The following ADARB1 variants were observed in gnomAD, a reference collection of about 807,000 sequenced individuals.
ADARB1 encodes the protein double-stranded RNA-specific editase 1.
Under a neutral mutation model 52.4 loss-of-function variants are expected in ADARB1, and 10 were observed. The observed-to-expected ratio is 0.19, with a 90% CI of 0.12 to 0.32. ADARB1 has a LOEUF of 0.32. Among genes scored for constraint, ADARB1 ranks in the 10% least tolerant of loss-of-function variants. The probability of loss-of-function intolerance (pLI) is 1.00; values close to 1 mark genes in which losing one functional copy is unlikely to be tolerated. For synonymous variants in ADARB1, 349 were observed against 371.1 expected (o/e 0.94, Z 0.68); for missense variants, 643 against 922.3 (o/e 0.70, Z 3.92).
rs116580759 is a variant in ADARB1 at position 45,087,521 on chromosome 21, T to G, written c.-220+12728T>G. The stretch of plus-strand genomic sequence containing the variant: ...AGCCAGAAACAAAAGAGATGGTGAC[T>G]GCAGAGGGCCAGGGGACGGAGGAGG... On this transcript the variant is annotated intron_variant, in intron 1 of 10. Coordinates refer to ENST00000348831, the MANE Select transcript of ADARB1 (RefSeq NM_001112.4). Among the ~76,000 whole-genome samples, 393 of 152,128 alleles carry G rather than the reference T, an allele frequency of 2.6e-3. 1 individual carries two copies. Among genetic ancestry groups the G allele is most frequent in the African/African-American group, 8.6e-3 (355 of 41,486 alleles).
At chr21:45,130,058 T>G (rs1344205736) in intron 2 of ADARB1, among the ~76,000 whole-genome samples, 4 of 152,190 alleles carry the variant, frequency 2.6e-5, no homozygotes, top group South Asian at 4.1e-4. Flanking sequence ...CCACAGCGCT[T>G]CTTCTAGCTT....
rs531046023 is a variant in ADARB1 at position 45,191,311 on chromosome 21, G to A, written c.1565+6220G>A. Among the ~76,000 whole-genome samples, 6 of 152,162 alleles carry A rather than the reference G, an allele frequency of 3.9e-5. No homozygotes were observed. In the South Asian group the frequency reaches 1.2e-3, roughly 32 times the overall value. On this transcript the variant is annotated intron_variant, in intron 8 of 10. Transcript: ENST00000348831. ...AGTGTTATTTTTCTTTATTCCTGCT[G>A]TCCAGGACCTTGGATGATATGTTAC...
chr21:45,160,170 TC>T (rs2090890812), intron 2 of ADARB1, among the ~76,000 whole-genome samples: 1 of 152,152 alleles, frequency 6.6e-6, no homozygotes, highest in Admixed American at 6.5e-5. Context: ...ATGCTCCAGG[TC>T]CCTTAGATGG....
chr21:45,131,922 TCTC>T (rs1569044453), intron 2 of ADARB1, among the ~76,000 whole-genome samples: 1 of 152,198 alleles, frequency 6.6e-6, no homozygotes. Context: ...GCGGGGCTCT[TCTC>T]TGTGTGGAGG....
chr21:45,152,911 G>A (rs1412262086), intron 2 of ADARB1, among the ~76,000 whole-genome samples: 1 of 152,172 alleles, frequency 6.6e-6, no homozygotes, highest in East Asian at 1.9e-4. Flanking sequence ...TCAAAAACAT[G>A]TCTGTAAACA....
chr21:45,088,268 TA>T lies in ADARB1; in HGVS notation c.-220+13477del, dbSNP rs539898536. Among the ~76,000 whole-genome samples the T allele has an allele frequency of 3.1e-3, 477 of 152,174 alleles. 4 individuals carry two copies. Among genetic ancestry groups the T allele is most frequent in the Middle Eastern group, 0.014 (4 of 294 alleles). On this transcript the variant is annotated intron_variant, in intron 1 of 10. Coordinates refer to ENST00000348831, the MANE Select transcript of ADARB1 (RefSeq NM_001112.4). Reference sequence around the variant, plus strand: ...CCTAAATATCAGTTGCTGATAAAAATAAGCAGGGCTCCTTGCAGAAGATGAG... The same window carrying T: ...CCTAAATATCAGTTGCTGATAAAAATAGCAGGGCTCCTTGCAGAAGATGAG...
At chr21:45,084,837 A>G (rs542364613) in intron 1 of ADARB1, among the ~76,000 whole-genome samples, 1 of 152,314 alleles carries the variant, frequency 6.6e-6, no homozygotes, top group South Asian at 2.1e-4. Flanking sequence ...AGTTGGGCAC[A>G]AGGTGTCCAA....
At chr21:45,156,330 C>T (rs1316505309) in intron 2 of ADARB1, among the ~76,000 whole-genome samples, 11 of 141,756 alleles carry the variant, frequency 7.8e-5, no homozygotes, top group Non-Finnish European at 1.1e-4. Context: ...CATCATCACC[C>T]ATCACCCATC....
Position 45,226,230 on chromosome 21 carries a change from G to A in ADARB1, c.*4033G>A, listed in dbSNP as rs1445848683. On this transcript the variant is annotated 3_prime_UTR_variant, in exon 11 of 11. Transcript: ENST00000348831. ...CTGATGGTATGTAAGGAACCGATGG[G>A]CCATTAAACATGAACTGAACGGTTA... 6.6e-6 allele frequency: 1 copy of A among 152,618 alleles called. No individual in the cohort carries two copies. The highest frequency in any genetic ancestry group is 1.9e-4 in the East Asian group (1 of 5,190). 9.5% of individuals were successfully genotyped at this position (152,618 alleles called of 1,614,324 possible).
chr21:45,217,882 A>T (rs2092896948), intron 9 of ADARB1, among the ~76,000 whole-genome samples: 1 of 152,176 alleles, frequency 6.6e-6, no homozygotes, highest in African/African-American at 2.4e-5. Context: ...CTTTAAAGAC[A>T]TTGCTTCCCT....
intron 1 of ADARB1, among the ~76,000 whole-genome samples, chr21:45,114,105 A>G (rs1466765168): frequency 6.6e-6 from 1 of 152,226 alleles, no homozygotes; most frequent in Non-Finnish European, 1.5e-5. Context: ...ATCCTAAACC[A>G]AAACTACATA....
chr21:45,146,233 TA>T, intron 2 of ADARB1: 1 of 152,394 alleles, frequency 6.6e-6, no homozygotes, highest in East Asian at 1.9e-4. Flanking sequence ...GCCGGGATTT[TA>T]AAGTATGGGA....
intron 2 of ADARB1, among the ~76,000 whole-genome samples, chr21:45,139,011 C>G (rs1018275313): frequency 1.3e-5 from 2 of 151,840 alleles, no homozygotes; most frequent in African/African-American, 2.4e-5. Flanking sequence ...AGCTCCGCCT[C>G]TCGGGTTCAA....
At chr21:45,120,377 T>TA (rs1388436226) in intron 1 of ADARB1, among the ~76,000 whole-genome samples, 1 of 152,242 alleles carries the variant, frequency 6.6e-6, no homozygotes, top group Non-Finnish European at 1.5e-5. Context: ...CATCATTTCA[T>TA]ATATGATTTC....
chr21:45,095,604 C>T (rs395263), intron 1 of ADARB1, among the ~76,000 whole-genome samples: 2 of 152,118 alleles, frequency 1.3e-5, no homozygotes, highest in Admixed American at 6.5e-5. Flanking sequence ...TTCTGCATCC[C>T]GCTGTTTCAG....
At chr21:45,194,502 C>T (rs1174447487) in intron 8 of ADARB1, among the ~76,000 whole-genome samples, 1 of 145,028 alleles carries the variant, frequency 6.9e-6, no homozygotes, top group Non-Finnish European at 1.5e-5. Context: ...CCTCTGTATT[C>T]TGCCTGTTCA....
rs117900588 is a variant in ADARB1 at position 45,186,350 on chromosome 21, A to C, written c.1565+1259A>C. 2.9e-4 allele frequency among the ~76,000 whole-genome samples: 44 copies of C among 152,296 alleles called. 1 individual carries two copies. The East Asian group carries it at 7.9e-3, about 27-fold the overall frequency. On this transcript the variant is annotated intron_variant, in intron 8 of 10. Transcript: ENST00000348831. Reference sequence around the variant, plus strand: ...ATGATGGGACACCCATATTTCTTCTAACTCCCTTATACATGTAGTCCTGTA... The same window carrying C: ...ATGATGGGACACCCATATTTCTTCTCACTCCCTTATACATGTAGTCCTGTA...
At chr21:45,136,811 G>C (rs995270899) in intron 2 of ADARB1, among the ~76,000 whole-genome samples, 4 of 152,236 alleles carry the variant, frequency 2.6e-5, no homozygotes, top group Admixed American at 2.6e-4. Context: ...GACACTGGTA[G>C]GTAGGTGTGG....
intron 2 of ADARB1, among the ~76,000 whole-genome samples, chr21:45,163,530 T>G (rs1480099025): frequency 2.6e-5 from 4 of 151,564 alleles, no homozygotes; most frequent in Admixed American, 2.6e-4. Flanking sequence ...GCCAGGAATC[T>G]CCCCCCCACC....
Sources: allele counts gnomAD v4.1 joint callset (sites outside exome capture counted in the v4.1 genomes callset), GRCh38; gene constraint gnomAD v4.1.1; transcripts MANE v1.5; gene names NCBI Gene and HGNC (gene_info 2026-07-23, HGNC 2026-07-21).